Variants in KCNIP4 observed in about 807,000 individuals in gnomAD.
KCNIP4 encodes the protein Kv channel-interacting protein 4.
Under a neutral mutation model 34.0 loss-of-function variants are expected in KCNIP4, and 12 were observed. That is an observed-to-expected ratio of 0.35 (90% CI 0.23 to 0.57). The LOEUF is 0.57. Ranked by LOEUF, KCNIP4 falls within the 20% of genes least tolerant of loss-of-function variation. The pLI, the probability that KCNIP4 is intolerant of heterozygous loss-of-function variation, is 0.83. For synonymous variants in KCNIP4, 124 were observed against 102.2 expected (o/e 1.21, Z -1.29); for missense variants, 238 against 311.7 (o/e 0.76, Z 1.78).
intron 1 of KCNIP4, among the ~76,000 whole-genome samples, chr4:20,941,896 T>C (rs897066087): frequency 3.9e-5 from 6 of 152,186 alleles, no homozygotes; most frequent in African/African-American, 1.2e-4. Context: ...TTATTTTGCT[T>C]TGGGCAGACC....
intron 1 of KCNIP4, among the ~76,000 whole-genome samples, chr4:21,038,978 A>G (rs538615983): frequency 6.6e-6 from 1 of 152,274 alleles, no homozygotes; most frequent in African/African-American, 2.4e-5. Context: ...CATGTTTTTG[A>G]GAGTTCACTG....
At chr4:21,938,225 G>C (rs1351732938) in intron 1 of KCNIP4, among the ~76,000 whole-genome samples, 1 of 152,100 alleles carries the variant, frequency 6.6e-6, no homozygotes, top group Admixed American at 6.5e-5. Context: ...CACTTGCGTA[G>C]TATGACTTAT....
chr4:20,916,159 C>T (rs1276002992), intron 1 of KCNIP4, among the ~76,000 whole-genome samples: 1 of 152,174 alleles, frequency 6.6e-6, no homozygotes, highest in East Asian at 1.9e-4. Flanking sequence ...GGTCATACCA[C>T]AATCAGCTCT....
intron 1 of KCNIP4, among the ~76,000 whole-genome samples, chr4:21,194,086 C>T (rs1203729956): frequency 6.6e-6 from 1 of 152,110 alleles, no homozygotes; most frequent in East Asian, 1.9e-4. Context: ...ACTAAAGACA[C>T]TTTTACAAAT....
intron 1 of KCNIP4, among the ~76,000 whole-genome samples, chr4:21,597,002 T>C (rs1560547302): frequency 6.6e-6 from 1 of 152,100 alleles, no homozygotes; most frequent in Non-Finnish European, 1.5e-5. Flanking sequence ...AGGGGTTTTG[T>C]CAAGTGAAAC....
intron 3 of KCNIP4, among the ~76,000 whole-genome samples, chr4:20,787,068 A>G (rs1238278066): frequency 1.3e-5 from 2 of 152,180 alleles, no homozygotes; most frequent in Non-Finnish European, 2.9e-5. Context: ...CAACGTGGAC[A>G]GTCTTGGTCT....
At chr4:21,461,207 C>T (rs1729435104) in intron 1 of KCNIP4, among the ~76,000 whole-genome samples, 3 of 151,916 alleles carry the variant, frequency 2.0e-5, no homozygotes, top group South Asian at 4.2e-4. Context: ...GTTCAGCATT[C>T]CCTGTGTCTC....
At chr4:20,842,232 A>T (rs1193161665) in intron 3 of KCNIP4, among the ~76,000 whole-genome samples, 2 of 152,116 alleles carry the variant, frequency 1.3e-5, no homozygotes, top group African/African-American at 4.8e-5. Context: ...AATATATTGA[A>T]AGGAAGTCTA....
chr4:21,043,387 T>C (rs1742128871), intron 1 of KCNIP4, among the ~76,000 whole-genome samples: 1 of 152,216 alleles, frequency 6.6e-6, no homozygotes, highest in Admixed American at 6.5e-5. Flanking sequence ...TGGAGTGCAT[T>C]GGTGCGATCT....
intron 5 of KCNIP4, among the ~76,000 whole-genome samples, chr4:20,735,530 G>GTTTTTT (rs10542507): frequency 9.1e-6 from 1 of 109,714 alleles, no homozygotes; most frequent in Non-Finnish European, 1.8e-5. Context: ...TTTTTTTTTT[G>GTTTTTT]TTTTTTTTTT....
intron 1 of KCNIP4, among the ~76,000 whole-genome samples, chr4:20,955,100 C>G (rs1410060880): frequency 6.6e-6 from 1 of 152,080 alleles, no homozygotes; most frequent in African/African-American, 2.4e-5. Flanking sequence ...GGAGGGTTCT[C>G]GTATTGCAGT....
At chr4:20,813,399 C>A (rs1716007746) in intron 3 of KCNIP4, among the ~76,000 whole-genome samples, 1 of 152,024 alleles carries the variant, frequency 6.6e-6, no homozygotes. Context: ...GGAGCAAGGG[C>A]AGATTTAAAT....
chr4:21,533,560 G>A (rs1285992704), intron 1 of KCNIP4, among the ~76,000 whole-genome samples: 1 of 152,028 alleles, frequency 6.6e-6, no homozygotes, highest in Non-Finnish European at 1.5e-5. Context: ...CATGATCAAG[G>A]ATACCTTTCT....
chr4:21,523,003 G>A (rs544234694), intron 1 of KCNIP4, among the ~76,000 whole-genome samples: 7 of 151,710 alleles, frequency 4.6e-5, no homozygotes, highest in Non-Finnish European at 8.8e-5. Flanking sequence ...TAATGAAGAC[G>A]GAGCCCCCAT....
At chr4:21,807,566 A>G (rs4563486) in intron 1 of KCNIP4, among the ~76,000 whole-genome samples, 73,253 of 152,046 alleles carry the variant, frequency 0.48, 18,204 homozygotes, top group African/African-American at 0.54. Flanking sequence ...TTATTCTTTC[A>G]AGTTCTGAAA....
intron 1 of KCNIP4, among the ~76,000 whole-genome samples, chr4:20,973,105 C>T (rs1577464653): frequency 6.6e-6 from 1 of 152,190 alleles, no homozygotes; most frequent in Admixed American, 6.5e-5. Context: ...TCCTTTGAAG[C>T]TTTAAAGCCA....
At chr4:21,600,421 C>T (rs1743015840) in intron 1 of KCNIP4, among the ~76,000 whole-genome samples, 1 of 152,056 alleles carries the variant, frequency 6.6e-6, no homozygotes. Context: ...TAGTTTGACA[C>T]ATTCATATAA....
chr4:20,758,549 A>G (rs1754674260), intron 4 of KCNIP4, among the ~76,000 whole-genome samples: 1 of 152,192 alleles, frequency 6.6e-6, no homozygotes, highest in Non-Finnish European at 1.5e-5. Context: ...GCACCCTCAT[A>G]ATAGTCAGAA....
chr4:20,881,057 T>G (rs1724627768), intron 2 of KCNIP4, among the ~76,000 whole-genome samples: 1 of 152,220 alleles, frequency 6.6e-6, no homozygotes, highest in African/African-American at 2.4e-5. Context: ...CTTTGTTTTG[T>G]TTTGTTTTGG....
Sources: allele counts gnomAD v4.1 joint callset (sites outside exome capture counted in the v4.1 genomes callset), GRCh38; gene constraint gnomAD v4.1.1; transcripts MANE v1.5; gene names NCBI Gene and HGNC (gene_info 2026-07-23, HGNC 2026-07-21).